Variants in PTPRU observed in about 807,000 individuals in gnomAD.
PTPRU encodes receptor-type tyrosine-protein phosphatase U.
Under a neutral mutation model 166.3 loss-of-function variants are expected in PTPRU, and 69 were observed. That is an observed-to-expected ratio of 0.41 (90% CI 0.34 to 0.51). The LOEUF is 0.51. Ranked by LOEUF, PTPRU falls within the 20% of genes least tolerant of loss-of-function variation. The pLI is 0.09. For synonymous variants in PTPRU, 793 were observed against 814.0 expected (o/e 0.97, Z 0.44); for missense variants, 1,657 against 2,013.7 (o/e 0.82, Z 3.39).
At chr1:29,289,756 G>C in intron 14 of PTPRU, 10 of 1,606,364 alleles carry the variant, frequency 6.2e-6, no homozygotes, top group Non-Finnish European at 7.7e-6. Context: ...CCCTGCCTAG[G>C]GGGAGATCCC....
At chr1:29,293,030 A>G (rs1686714236) in intron 15 of PTPRU, among the ~76,000 whole-genome samples, 1 of 152,004 alleles carries the variant, frequency 6.6e-6, no homozygotes, top group Non-Finnish European at 1.5e-5. Context: ...CCCAGGCTGG[A>G]GTGCAGTGGT....
rs576283672 is a variant in PTPRU at position 29,325,180 on chromosome 1, C to G, written c.4113-11C>G. ...AGGCCCCGCCCCTCAGCTTTTGCAT[C>G]TCTCATTCAGAAACGGGGGAGGACG... On this transcript the variant is annotated splice_polypyrimidine_tract_variant and intron_variant, in intron 28 of 29. Transcript: ENST00000373779. 3.7e-6 allele frequency: 6 copies of G among 1,614,108 alleles called. No homozygotes were observed. In the East Asian group the frequency reaches 1.1e-4, roughly 30 times the overall value.
chr1:29,305,287 C>T, intron 17 of PTPRU, 65 bp from the exon 18 acceptor site: 1 of 1,500,430 alleles, frequency 6.7e-7, no homozygotes, highest in African/African-American at 1.4e-5. Flanking sequence ...TCCAGGAATC[C>T]CTCCCTGACT....
At chr1:29,323,936 C>A in intron 28 of PTPRU, 148 bp downstream of exon 28, 2 of 1,068,540 alleles carry the variant, frequency 1.9e-6, no homozygotes, top group Non-Finnish European at 1.3e-6. Flanking sequence ...GGATGCTGCC[C>A]AACCAGCCAA....
chr1:29,259,600 T>TTTATGTGGGGGGGGGGGGGGGG, intron 5 of PTPRU, 36 bp downstream of exon 5: 1 of 253,696 alleles, frequency 3.9e-6, no homozygotes, highest in Non-Finnish European at 7.7e-6. Flanking sequence ...GGGGGCGGGG[T>TTTATGTGGGGGGGGGGGGGGGG]GGGAGGGGGT....
At chr1:29,256,643 C>T (rs1000634859) in intron 2 of PTPRU, among the ~76,000 whole-genome samples, 3 of 152,220 alleles carry the variant, frequency 2.0e-5, no homozygotes, top group Non-Finnish European at 2.9e-5. Flanking sequence ...GGGCACTTAT[C>T]TCTGCCTCTG....
intron 1 of PTPRU, among the ~76,000 whole-genome samples, chr1:29,244,514 T>TA (rs1684202781): frequency 6.6e-6 from 1 of 152,098 alleles, no homozygotes; most frequent in Admixed American, 6.5e-5. Flanking sequence ...GAGTGGGAAA[T>TA]ACATTGCTTA....
Position 29,260,126 on chromosome 1 carries a change from GCGTGGCCGT to G in PTPRU, c.850+83_850+91del. ...CGACGGGGGCGGGCTCTGCCCGGGG[GCGTGGCCGT>G]GGGGGGTGGGGCCGGCAGGGTGTCG... On this transcript the variant is annotated intron_variant, in intron 6 of 29. Transcript: ENST00000373779. This position sits in a 1 kb window ranked among gnomAD's most constrained non-coding sequence, Gnocchi z 8.3. The G allele has an allele frequency of 1.5e-6, 2 of 1,300,898 alleles. No individual in the cohort carries two copies. The highest frequency in any genetic ancestry group is 2.0e-6 in the Non-Finnish European group (2 of 1,018,060). 80.6% of individuals were successfully genotyped at this position (1,300,898 alleles called of 1,614,324 possible).
chr1:29,292,716 A>T (rs944612544), intron 15 of PTPRU, among the ~76,000 whole-genome samples: 1 of 152,200 alleles, frequency 6.6e-6, no homozygotes, highest in African/African-American at 2.4e-5. Context: ...ACAAACAGCA[A>T]TGAACCTCAT....
At chr1:29,316,969 C>T (rs984459293) in intron 24 of PTPRU, among the ~76,000 whole-genome samples, 23 of 152,078 alleles carry the variant, frequency 1.5e-4, no homozygotes, top group Admixed American at 1.3e-4. Flanking sequence ...TGGCAGAGAC[C>T]TCAGAAGTCC....
At position 29,282,849 on chromosome 1, in the gene PTPRU, C is replaced by A; in HGVS notation, c.2042C>A (p.Thr681Asn). The A allele has an allele frequency of 1.9e-6, 3 of 1,614,122 alleles. No individual in the cohort carries two copies. The highest frequency in any genetic ancestry group is 2.5e-6 in the Non-Finnish European group (3 of 1,179,998). ...ASSLPEAMPF[T>N]VGDNQTYRGF... ...AGTCTACCTGAGGCCATGCCCTTTA[C>A]CGTGGGTGACAACCAGACCTACCGA... Residue 681 changes from threonine to asparagine, a missense_variant, in exon 12 of 30, where the codon ACC becomes AAC. By Grantham distance (65) the Thr-to-Asn change is moderately conservative. Transcript: ENST00000373779.
chr1:29,289,942 A>G (rs1686547029), intron 14 of PTPRU, among the ~76,000 whole-genome samples: 1 of 152,150 alleles, frequency 6.6e-6, no homozygotes, highest in South Asian at 2.1e-4. Flanking sequence ...CCTAAGAGGC[A>G]TGGGTTCAGA....
intron 11 of PTPRU, among the ~76,000 whole-genome samples, chr1:29,281,808 T>A (rs1236829285): frequency 6.6e-6 from 1 of 152,228 alleles, no homozygotes; most frequent in Non-Finnish European, 1.5e-5. Flanking sequence ...GCATTTCTGC[T>A]TCCCCAAGGA....
At chr1:29,303,099 A>T (rs986805600) in intron 15 of PTPRU, among the ~76,000 whole-genome samples, 1 of 152,220 alleles carries the variant, frequency 6.6e-6, no homozygotes, top group African/African-American at 2.4e-5. Flanking sequence ...CCCTGTTGTT[A>T]AGCGATGCAT....
chr1:29,266,207 G>T (rs1222026631), intron 7 of PTPRU, among the ~76,000 whole-genome samples: 1 of 151,328 alleles, frequency 6.6e-6, no homozygotes, highest in East Asian at 1.9e-4. Context: ...TTTAGTAGAG[G>T]TGGTTGGTCA....
At position 29,271,888 on chromosome 1, in the gene PTPRU, G is replaced by C. The variant is rs1023009597; in HGVS notation, c.1145-3560G>C. 6.6e-6 allele frequency among the ~76,000 whole-genome samples: 1 copy of C among 152,216 alleles called. No individual in the cohort carries two copies. Among genetic ancestry groups the C allele is most frequent in the African/African-American group, 2.4e-5 (1 of 41,452 alleles). ...GAAAGGAATGCAGGGCAGCATTCCA[G>C]GGGGTGGGGATGGTGTGAGCTGAGC... On this transcript the variant is annotated intron_variant, in intron 7 of 29. Coordinates refer to ENST00000373779, the MANE Select transcript of PTPRU (RefSeq NM_133178.4). This position sits in a 1 kb window ranked among gnomAD's most constrained non-coding sequence, Gnocchi z 4.4.
rs145487041 is a variant in PTPRU at position 29,258,717 on chromosome 1, G to C, written c.418G>C (p.Gly140Arg). The C allele has an allele frequency of 6.2e-7, 1 of 1,609,554 alleles. No individual in the cohort carries two copies. The highest frequency in any genetic ancestry group is 1.1e-5 in the South Asian group (1 of 90,648). The change falls in exon 3 of 30, where the codon GGC becomes CGC. Residue 140 changes from glycine (G) to arginine (R), a missense_variant. Around this residue, in one of 3 missense-constraint regions of PTPRU, gnomAD observed 453 missense variants for 496.9 expected, o/e 0.91. Transcript: ENST00000373779. ...TGTGTGGAATATGACTGGATCCCAC[G>C]GCCGTCAGTGGCACCAGGCTGAGCT... ...SAVWNMTGSH[G>R]RQWHQAELAV...
At chr1:29,285,478 T>C (rs1307946252) in intron 14 of PTPRU, among the ~76,000 whole-genome samples, 1 of 152,194 alleles carries the variant, frequency 6.6e-6, no homozygotes. Flanking sequence ...TGTGTTTGCA[T>C]GAAATGTGTT....
At position 29,275,673 on chromosome 1, in the gene PTPRU, G is replaced by C; in HGVS notation, c.1370G>C (p.Arg457Pro). Residue 457 changes from arginine to proline, a missense_variant, in exon 8 of 30, where the codon CGG becomes CCG. Physicochemically the swap from Arg to Pro is moderately radical, Grantham distance 103. Around this residue, in one of 3 missense-constraint regions of PTPRU, gnomAD observed 1,190 missense variants for 1,477.4 expected, o/e 0.81. Coordinates refer to ENST00000373779, the MANE Select transcript of PTPRU (RefSeq NM_133178.4). ...ACCATCAAGAACCTGCTGCCCTATC[G>C]GAACGTTCACGTGAGGCTTGTCCTC... Reference protein sequence around the residue: ...RYTIKNLLPYRNVHVRLVLTN... With the variant: ...RYTIKNLLPYPNVHVRLVLTN... 1 of 1,614,106 alleles carries C rather than the reference G, an allele frequency of 6.2e-7. No homozygotes were observed. The highest frequency in any genetic ancestry group is 8.5e-7 in the Non-Finnish European group (1 of 1,180,026).
Sources: gnomAD v4.1 joint callset for allele counts (sites outside exome capture counted in the v4.1 genomes callset) on GRCh38, gnomAD v4.1.1 for gene constraint, gnomAD v4.1.1 regional missense constraint, Gnocchi (gnomAD v3.1) non-coding constraint, MANE v1.5 for transcripts, NCBI Gene and HGNC (gene_info 2026-07-23, HGNC 2026-07-21) for gene names.